ARFGEF3: variants seen among roughly 807,000 people sequenced by gnomAD.
ARFGEF3 encodes the protein brefeldin A-inhibited guanine nucleotide-exchange protein 3.
In ARFGEF3, 96 loss-of-function variants were observed where a neutral mutation model predicts 221.7. The observed-to-expected ratio is 0.43, with a 90% CI of 0.37 to 0.51. The LOEUF (loss-of-function observed/expected upper bound fraction) is 0.51, where lower values mean the gene tolerates loss of function less well. Ranked by LOEUF, ARFGEF3 falls within the 20% of genes least tolerant of loss-of-function variation. ARFGEF3 has a pLI of 0.00. For missense variants in ARFGEF3, 2,410 were observed against 2,789.9 expected, an observed-to-expected ratio of 0.86 and a Z score of 3.07; for synonymous variants, 1,145 against 1,126.8, an observed-to-expected ratio of 1.02 and a Z score of -0.32.
chr6:138,224,911 T>A (rs1448408403), intron 4 of ARFGEF3, among the ~76,000 whole-genome samples: 1 of 152,232 alleles, frequency 6.6e-6, no homozygotes, highest in Non-Finnish European at 1.5e-5. Context: ...CAAAGCATGT[T>A]ACTTCATTAA....
At chr6:138,280,440 A>G (rs1484166454) in intron 14 of ARFGEF3, among the ~76,000 whole-genome samples, 1 of 152,230 alleles carries the variant, frequency 6.6e-6, no homozygotes, top group Admixed American at 6.5e-5. Flanking sequence ...ACCGTAGGCC[A>G]TATCTATAGG....
In ARFGEF3 at chr6:138,278,476, C is replaced by T. The variant is rs749821517; in HGVS notation, c.2154C>T (p.Asp718=). Residue 718 remains aspartate (D), a synonymous_variant, in exon 13 of 34, where the codon GAC becomes GAT. Transcript: ENST00000251691. ...CSGMMHSPGF[D]GNSSLSFQML... ...GCATGATGCACTCTCCTGGCTTTGA[C>T]GGGAATAGCAGCCTCAGCTTCCAGA... 1.1e-5 allele frequency: 18 copies of T among 1,613,898 alleles called. No individual in the cohort carries two copies. The highest frequency in any genetic ancestry group is 7.7e-5 in the South Asian group (7 of 91,080).
chr6:138,162,351 C>T lies in ARFGEF3; in HGVS notation c.85+180C>T, dbSNP rs1776634711. On this transcript the variant is annotated intron_variant, in intron 1 of 33. Coordinates refer to ENST00000251691, the MANE Select transcript of ARFGEF3 (RefSeq NM_020340.5). The surrounding 1 kb of genome is among the most constrained non-coding windows in gnomAD (Gnocchi z 4.7). ...GTCTTGGCTCGGGCGTGGACATCAGCCGCCTCCCCTCCGGTCTCTTTCACT... is the reference window on the plus strand; with the variant it reads ...GTCTTGGCTCGGGCGTGGACATCAGTCGCCTCCCCTCCGGTCTCTTTCACT... Among the ~76,000 whole-genome samples the T allele has an allele frequency of 6.6e-6, 1 of 152,204 alleles. No homozygotes were observed. The highest frequency in any genetic ancestry group is 1.5e-5 in the Non-Finnish European group (1 of 68,040).
rs763565121 is a variant in ARFGEF3, at chr6:138,238,612, G to A, written c.524G>A (p.Arg175Gln). The change falls in exon 6 of 34, where the codon CGA (arginine) becomes CAA (glutamine). Residue 175 changes from arginine to glutamine, a missense_variant. Physicochemically the swap from Arg to Gln is conservative, Grantham distance 43. Around this residue, in one of 5 missense-constraint regions of ARFGEF3, gnomAD observed 570 missense variants for 586.9 expected, o/e 0.97. Transcript: ENST00000251691. The part of the protein sequence containing the change: ...QMLSDLTLQL[R>Q]QRQENTIIEN... ...CTGAGTGACTTGACTTTACAGTTAC[G>A]ACAGAGGCAGGAGAATACGGTGAGT... is the stretch of plus-strand genomic sequence containing the variant. The A allele has an allele frequency of 2.0e-5, 33 of 1,613,518 alleles. No individual in the cohort carries two copies. Among genetic ancestry groups the A allele is most frequent in the African/African-American group, 6.7e-5 (5 of 74,914 alleles).
At chr6:138,211,305 A>G (rs1217648533) in intron 4 of ARFGEF3, among the ~76,000 whole-genome samples, 1 of 152,238 alleles carries the variant, frequency 6.6e-6, no homozygotes, top group Non-Finnish European at 1.5e-5. Flanking sequence ...TAGCATCCCA[A>G]CTGATTCTTA....
chr6:138,238,222 G>T (rs979921784), intron 5 of ARFGEF3, among the ~76,000 whole-genome samples: 27 of 152,178 alleles, frequency 1.8e-4, no homozygotes, highest in Admixed American at 5.9e-4. Context: ...ATTCTAGATA[G>T]AATTATTTGG....
intron 2 of ARFGEF3, among the ~76,000 whole-genome samples, chr6:138,184,193 C>T (rs1017630987): frequency 1.5e-4 from 23 of 151,816 alleles, no homozygotes; most frequent in African/African-American, 5.6e-4. Flanking sequence ...AATAGCAAAC[C>T]CATTTGATGT....
At chr6:138,195,994 TAAA>T (rs61617065) in intron 2 of ARFGEF3, among the ~76,000 whole-genome samples, 4 of 123,952 alleles carry the variant, frequency 3.2e-5, no homozygotes, top group Admixed American at 8.2e-5. Flanking sequence ...AGTGTCTTGG[TAAA>T]AAAAAAAAAA....
At chr6:138,310,439 G>C (rs9495009) in intron 24 of ARFGEF3, among the ~76,000 whole-genome samples, 1 of 152,222 alleles carries the variant, frequency 6.6e-6, no homozygotes, top group Admixed American at 6.5e-5. Flanking sequence ...CTACCAGGCA[G>C]AGTTGAGCGG....
At chr6:138,300,660 A>C (rs77272703) in intron 22 of ARFGEF3, among the ~76,000 whole-genome samples, 4,398 of 152,280 alleles carry the variant, frequency 0.029, 73 homozygotes, top group South Asian at 0.044. Context: ...TCACAGCAAA[A>C]ACCGCAATTA....
chr6:138,286,705 G>A lies in ARFGEF3; in HGVS notation c.2574G>A (p.Val858=). 6.2e-7 allele frequency: 1 copy of A among 1,613,972 alleles called. No individual in the cohort carries two copies. Among genetic ancestry groups the A allele is most frequent in the Non-Finnish European group, 8.5e-7 (1 of 1,179,874 alleles). Residue 858 remains valine, a synonymous_variant, in exon 16 of 34, where the codon GTG becomes GTA. Coordinates refer to ENST00000251691, the MANE Select transcript of ARFGEF3 (RefSeq NM_020340.5). ...RRIDDSTVAG[V]AFARYILVGC... is the part of the protein sequence containing the mutation. ...ACACACCCCTCCATGTTCCAGGCGT[G>A]GCATTTGCTCGCTATATTCTGGTGG...
intron 2 of ARFGEF3, among the ~76,000 whole-genome samples, chr6:138,194,913 A>G (rs1777381405): frequency 6.6e-6 from 1 of 151,608 alleles, no homozygotes; most frequent in Non-Finnish European, 1.5e-5. Flanking sequence ...TTCAGTGTTC[A>G]GGCCATAAAG....
Position 138,291,843 on chromosome 6 carries a change from T to C in ARFGEF3, c.3158T>C (p.Leu1053Pro). 1 of 1,502,062 alleles carries C rather than the reference T, an allele frequency of 6.7e-7. No homozygotes were observed. Among genetic ancestry groups the C allele is most frequent in the Non-Finnish European group, 8.9e-7 (1 of 1,122,956 alleles). 93.0% of individuals were successfully genotyped at this position (1,502,062 alleles called of 1,614,324 possible). A position where few individuals can be genotyped will look rare whatever the true frequency, so the allele number is the denominator to read the frequency against. Reference sequence around the variant, plus strand: ...AAGGCCACTGGAAGCGCTGGCCTCCTTGGGGACCCCGAGTGTGAGGGCTCG... The same window carrying C: ...AAGGCCACTGGAAGCGCTGGCCTCCCTGGGGACCCCGAGTGTGAGGGCTCG... ...PQKATGSAGL[L>P]GDPECEGSPP... is the part of the protein sequence containing the mutation. The change falls in exon 19 of 34, where the codon CTT becomes CCT. Residue 1053 changes from leucine to proline, a missense_variant. Physicochemically the swap from Leu to Pro is moderately conservative, Grantham distance 98. This residue lies in a region of ARFGEF3 where 184 missense variants were observed against 141.8 expected (regional missense o/e 1.30). Coordinates refer to ENST00000251691, the MANE Select transcript of ARFGEF3 (RefSeq NM_020340.5). This position sits in a 1 kb window ranked among gnomAD's most constrained non-coding sequence, Gnocchi z 4.5.
intron 2 of ARFGEF3, among the ~76,000 whole-genome samples, chr6:138,185,193 AC>A (rs1777158839): frequency 6.6e-6 from 1 of 152,130 alleles, no homozygotes; most frequent in South Asian, 2.1e-4. Flanking sequence ...AAAACGTTTC[AC>A]CTTCAAATGA....
intron 2 of ARFGEF3, among the ~76,000 whole-genome samples, chr6:138,187,464 G>A (rs1244999486): frequency 6.6e-6 from 1 of 152,152 alleles, no homozygotes; most frequent in Non-Finnish European, 1.5e-5. Flanking sequence ...GACACCCTGG[G>A]CTTTCAGGTG....
At chr6:138,289,296 C>A (rs1441173450) in intron 17 of ARFGEF3, among the ~76,000 whole-genome samples, 1 of 152,140 alleles carries the variant, frequency 6.6e-6, no homozygotes, top group Non-Finnish European at 1.5e-5. Flanking sequence ...AATACAAACT[C>A]AAGGGATGAA....
intron 32 of ARFGEF3, among the ~76,000 whole-genome samples, chr6:138,331,852 T>A (rs886217564): frequency 6.6e-6 from 1 of 152,360 alleles, no homozygotes; most frequent in East Asian, 1.9e-4. Context: ...ATTGTTTCAC[T>A]TATCTTTCTG....
intron 5 of ARFGEF3, among the ~76,000 whole-genome samples, chr6:138,231,817 TC>T (rs1199608056): frequency 2.6e-5 from 4 of 152,118 alleles, no homozygotes; most frequent in Admixed American, 6.5e-5. Context: ...TGAGGCTATT[TC>T]CCCAAGGTTC....
At chr6:138,267,979 C>G (rs949131477) in intron 12 of ARFGEF3, among the ~76,000 whole-genome samples, 12 of 152,314 alleles carry the variant, frequency 7.9e-5, no homozygotes, top group African/African-American at 2.2e-4. Flanking sequence ...GAGTTGGACT[C>G]TCTTTCCAAA....
Sources: allele counts gnomAD v4.1 joint callset (sites outside exome capture counted in the v4.1 genomes callset), GRCh38; gene constraint gnomAD v4.1.1; regional missense constraint gnomAD v4.1.1; non-coding constraint Gnocchi (gnomAD v3.1); transcripts MANE v1.5; gene names NCBI Gene and HGNC (gene_info 2026-07-23, HGNC 2026-07-21).